The following ZNG1A variants were observed in gnomAD, a reference collection of about 807,000 sequenced individuals.
The protein encoded by ZNG1A is zinc-regulated GTPase metalloprotein activator 1A.
At chr9:125,229 ATTT>A in the ZNG1A span, among the ~76,000 whole-genome samples, 16 of 150,340 alleles carry the variant, frequency 1.1e-4, 1 homozygote, top group Admixed American at 7.9e-4. Flanking sequence ...TATTTTTTTG[ATTT>A]TTTTATTATG....
chr9:158,354 T>C, the ZNG1A span, among the ~76,000 whole-genome samples: 1 of 152,088 alleles, frequency 6.6e-6, no homozygotes, highest in East Asian at 1.9e-4. Context: ...AATGATATAT[T>C]TTTGGCAAGG....
At chr9:149,171 C>G in the ZNG1A span, 1 of 151,578 alleles carries the variant, frequency 6.6e-6, no homozygotes, top group Non-Finnish European at 1.5e-5. Context: ...TTTCCTATAC[C>G]TCGGAGATTA....
the ZNG1A span, among the ~76,000 whole-genome samples, chr9:144,034 G>T: frequency 2.6e-5 from 1 of 38,038 alleles, no homozygotes; most frequent in Non-Finnish European, 4.5e-5. Context: ...CACTGCTCAA[G>T]GAAATAAAAG....
chr9:127,765 T>C, the ZNG1A span, among the ~76,000 whole-genome samples: 7 of 152,282 alleles, frequency 4.6e-5, no homozygotes, highest in South Asian at 1.5e-3. Context: ...TTTGTTGTTT[T>C]TCTAATTGTA....
the ZNG1A span, among the ~76,000 whole-genome samples, chr9:138,208 T>C: frequency 1.3e-5 from 2 of 151,804 alleles, no homozygotes; most frequent in African/African-American, 2.4e-5. Flanking sequence ...AAGGTACTGC[T>C]CCAATACCAG....
the ZNG1A span, chr9:163,939 A>AAATAAAAAAATAAAAC: frequency 6.4e-7 from 1 of 1,569,878 alleles, no homozygotes. Context: ...AAAAAAAAAA[A>AAATAAAAAAATAAAAC]AAACAAGAAA....
the ZNG1A span, among the ~76,000 whole-genome samples, chr9:157,620 G>A: frequency 1.3e-5 from 2 of 148,518 alleles, no homozygotes; most frequent in Non-Finnish European, 3.0e-5. Flanking sequence ...ATCATCACAG[G>A]ATACTATATT....
the ZNG1A span, among the ~76,000 whole-genome samples, chr9:171,220 T>C: frequency 6.6e-5 from 10 of 152,168 alleles, no homozygotes; most frequent in African/African-American, 2.4e-4. Flanking sequence ...ACTGATCACA[T>C]TTGAACTCTC....
chr9:135,304 T>A, the ZNG1A span, among the ~76,000 whole-genome samples: 1 of 146,944 alleles, frequency 6.8e-6, no homozygotes, highest in Non-Finnish European at 1.5e-5. Flanking sequence ...CTATTTTGTA[T>A]GGTTAAATAT....
At chr9:157,507 C>T in the ZNG1A span, among the ~76,000 whole-genome samples, 1 of 127,490 alleles carries the variant, frequency 7.8e-6, no homozygotes, top group Non-Finnish European at 1.6e-5. Context: ...ATCCTTGAAC[C>T]TAACTTTATG....
the ZNG1A span, among the ~76,000 whole-genome samples, chr9:141,946 G>C: frequency 6.6e-6 from 1 of 150,738 alleles, no homozygotes; most frequent in Admixed American, 6.6e-5. Context: ...AGACAAAGAA[G>C]GCCATTACAT....
At chr9:169,215 C>A in the ZNG1A span, among the ~76,000 whole-genome samples, 1 of 151,836 alleles carries the variant, frequency 6.6e-6, no homozygotes, top group Admixed American at 6.6e-5. Context: ...GATTCCAGCC[C>A]TCACAGATGA....
chr9:153,035 T>G, the ZNG1A span: 1 of 134,704 alleles, frequency 7.4e-6, no homozygotes, highest in East Asian at 2.2e-4. Context: ...GCCAAAAGGG[T>G]GTGTAATTTA....
the ZNG1A span, chr9:171,573 T>C: frequency 6.2e-6 from 1 of 160,724 alleles, no homozygotes; most frequent in Admixed American, 5.8e-5. Flanking sequence ...TGCAGTGTAA[T>C]AACTACTTAC....
chr9:178,647 C>T, the ZNG1A span, among the ~76,000 whole-genome samples: 2 of 108,678 alleles, frequency 1.8e-5, 1 homozygote, highest in Admixed American at 1.9e-4. Context: ...ATCATTAACT[C>T]CCAAGATGAG....
At chr9:128,557 G>C in the ZNG1A span, among the ~76,000 whole-genome samples, 31 of 143,976 alleles carry the variant, frequency 2.2e-4, 2 homozygotes, top group African/African-American at 8.0e-4. Context: ...ATGCTATCTA[G>C]TTCATTGAAT....
At chr9:141,766 G>C in the ZNG1A span, among the ~76,000 whole-genome samples, 2 of 151,914 alleles carry the variant, frequency 1.3e-5, no homozygotes, top group Admixed American at 6.6e-5. Context: ...AAAGAGTCAA[G>C]ACCCATCAGT....
the ZNG1A span, among the ~76,000 whole-genome samples, chr9:124,243 C>A: frequency 6.7e-6 from 1 of 150,204 alleles, no homozygotes; most frequent in Non-Finnish European, 1.5e-5. Context: ...CTCCCTTTGC[C>A]AATATAACCC....
At chr9:176,647 T>G in the ZNG1A span, among the ~76,000 whole-genome samples, 24 of 152,024 alleles carry the variant, frequency 1.6e-4, no homozygotes, top group African/African-American at 5.1e-4. Context: ...AAGCTCAACA[T>G]CACAAAAATA....
Sources: allele counts gnomAD v4.1 joint callset (sites outside exome capture counted in the v4.1 genomes callset), GRCh38; gene constraint gnomAD v4.1.1; transcripts MANE v1.5; gene names NCBI Gene and HGNC (gene_info 2026-07-23, HGNC 2026-07-21).